The following TBC1D8 variants were observed in gnomAD, a reference collection of about 807,000 sequenced individuals.
TBC1D8 encodes TBC1 domain family member 8.
Under a neutral mutation model 118.8 loss-of-function variants are expected in TBC1D8, and 65 were observed. That is an observed-to-expected ratio of 0.55 (90% CI 0.45 to 0.67). TBC1D8 has a LOEUF of 0.67. Among genes scored for constraint, TBC1D8 ranks in the 30% least tolerant of loss-of-function variants. The pLI is 0.00. For synonymous variants in TBC1D8, 566 were observed against 595.8 expected (o/e 0.95, Z 0.73); for missense variants, 1,376 against 1,471.2 (o/e 0.94, Z 1.06).
Position 101,089,465 on chromosome 2 carries a change from G to T in TBC1D8, c.283+744C>A, listed in dbSNP as rs568852854. Among the ~76,000 whole-genome samples the T allele has an allele frequency of 2.4e-4, 36 of 152,048 alleles. No individual in the cohort carries two copies. In the South Asian group the frequency reaches 7.5e-3, roughly 32 times the overall value. On this transcript the variant is annotated intron_variant, in intron 2 of 19. Transcript: ENST00000409318. Reference sequence around the variant, plus strand: ...TTTGGTTTTGTTTTTTAATAAAAGGGTCTTCTCAAGAAGTGGTGACTCCTG... The same window carrying T: ...TTTGGTTTTGTTTTTTAATAAAAGGTTCTTCTCAAGAAGTGGTGACTCCTG...
chr2:101,033,813 A>G (rs1341859660), intron 9 of TBC1D8, 55 bp from the exon 10 acceptor site: 5 of 1,560,476 alleles, frequency 3.2e-6, no homozygotes, highest in Non-Finnish European at 4.4e-6. Context: ...TGGTGTCATG[A>G]TGAAGAAGAT....
At chr2:101,052,996 G>A (rs909849930) in intron 4 of TBC1D8, among the ~76,000 whole-genome samples, 6 of 152,156 alleles carry the variant, frequency 3.9e-5, no homozygotes, top group South Asian at 2.1e-4. Flanking sequence ...TTTGCGAAGT[G>A]CCTGCCCTGC....
chr2:101,016,378 C>A (rs1178415306), intron 17 of TBC1D8, among the ~76,000 whole-genome samples: 1 of 151,910 alleles, frequency 6.6e-6, no homozygotes, highest in East Asian at 1.9e-4. Context: ...AATGAGATAC[C>A]ATCTCACACC....
chr2:101,124,671 G>A (rs1329467597), intron 1 of TBC1D8, among the ~76,000 whole-genome samples: 2 of 152,164 alleles, frequency 1.3e-5, no homozygotes, highest in Admixed American at 6.5e-5. Context: ...CTGAACTCAG[G>A]GACCAGATCA....
chr2:101,112,727 C>G lies in TBC1D8; in HGVS notation c.128-22363G>C, dbSNP rs186798549. Among the ~76,000 whole-genome samples, 36 of 152,292 alleles carry G rather than the reference C, an allele frequency of 2.4e-4. No individual in the cohort carries two copies. The East Asian group carries it at 5.8e-3, about 25-fold the overall frequency. On this transcript the variant is annotated intron_variant, in intron 1 of 19. Coordinates refer to ENST00000409318, the MANE Select transcript of TBC1D8 (RefSeq NM_001330348.2). ...ATGGTTCCAACTTTGTGTAACCCGC[C>G]CTTACCTTTCTTTTGGGCTCTTTCC...
intron 1 of TBC1D8, among the ~76,000 whole-genome samples, chr2:101,138,440 CT>C (rs1453100546): frequency 6.6e-6 from 1 of 152,170 alleles, no homozygotes; most frequent in East Asian, 1.9e-4. Flanking sequence ...CACTAACTAC[CT>C]GGAATTAGTG....
rs926620487 is a variant in TBC1D8, at chr2:101,097,048, G to T, written c.128-6684C>A. The stretch of plus-strand genomic sequence containing the variant: ...TAAATCATATTCAAATTGCAGAAAT[G>T]AAAGATGAAGAGAATGTTCTAAAAG... On this transcript the variant is annotated intron_variant, in intron 1 of 19. Transcript: ENST00000409318. Among the ~76,000 whole-genome samples the T allele has an allele frequency of 9.9e-5, 15 of 152,088 alleles. No individual in the cohort carries two copies. The East Asian group carries it at 2.9e-3, about 29-fold the overall frequency.
intron 2 of TBC1D8, among the ~76,000 whole-genome samples, chr2:101,065,488 G>A (rs1682966114): frequency 6.6e-6 from 1 of 152,138 alleles, no homozygotes. Flanking sequence ...GAAAGGGTTG[G>A]AACAAAAAGC....
At chr2:101,041,055 G>A (rs1681357627) in intron 5 of TBC1D8, among the ~76,000 whole-genome samples, 1 of 152,236 alleles carries the variant, frequency 6.6e-6, no homozygotes, top group African/African-American at 2.4e-5. Flanking sequence ...GTGGTGAGGA[G>A]GATGTGGGGA....
At chr2:101,022,629 G>A in intron 15 of TBC1D8, 108 bp from the exon 16 acceptor site, 1 of 1,430,888 alleles carries the variant, frequency 7.0e-7, no homozygotes, top group Non-Finnish European at 9.1e-7. Context: ...CACTCTAACT[G>A]GATACGTAAA....
chr2:101,080,786 A>ATT (rs111330338), intron 2 of TBC1D8, among the ~76,000 whole-genome samples: 34 of 147,068 alleles, frequency 2.3e-4, no homozygotes, highest in South Asian at 4.3e-4. Context: ...TGTACTCTCA[A>ATT]TTTTTTTTTT....
In TBC1D8 at chr2:101,111,194, C is replaced by T. The variant is rs143022922; in HGVS notation, c.128-20830G>A. On this transcript the variant is annotated intron_variant, in intron 1 of 19. Transcript: ENST00000409318. ...ATCCAACTTTTGAATATTGTTTTTA[C>T]AAAGCATTTCATAATTCAATATCAC... is the stretch of plus-strand genomic sequence containing the variant. 2.6e-3 allele frequency among the ~76,000 whole-genome samples: 403 copies of T among 152,270 alleles called. 3 individuals carry two copies. The highest frequency in any genetic ancestry group is 9.4e-3 in the African/African-American group (392 of 41,548).
chr2:101,055,735 C>T (rs1370497176), intron 3 of TBC1D8, among the ~76,000 whole-genome samples: 1 of 152,140 alleles, frequency 6.6e-6, no homozygotes, highest in Non-Finnish European at 1.5e-5. Flanking sequence ...GGGAGCTCAC[C>T]ACAAAATCCT....
chr2:101,059,597 G>T (rs1170163198), intron 2 of TBC1D8, 58 bp from the exon 3 acceptor site: 5 of 1,386,132 alleles, frequency 3.6e-6, no homozygotes, highest in Middle Eastern at 1.8e-4. Flanking sequence ...GTAATTCCTA[G>T]AACGTTAACT....
At chr2:101,144,596 GA>G (rs562533976) in intron 1 of TBC1D8, among the ~76,000 whole-genome samples, 1 of 152,194 alleles carries the variant, frequency 6.6e-6, no homozygotes, top group South Asian at 2.1e-4. Flanking sequence ...AAAATAGGGG[GA>G]AAAAATCCAT....
chr2:101,132,701 G>A (rs1216307566), intron 1 of TBC1D8, among the ~76,000 whole-genome samples: 2 of 151,966 alleles, frequency 1.3e-5, no homozygotes, highest in South Asian at 2.1e-4. Flanking sequence ...CAATCTTCCC[G>A]CCTTGGCCTC....
At chr2:101,052,519 C>G (rs545839493) in intron 4 of TBC1D8, among the ~76,000 whole-genome samples, 327 of 150,508 alleles carry the variant, frequency 2.2e-3, no homozygotes, top group African/African-American at 7.7e-3. Context: ...CTTTATCACC[C>G]AGGCTGGAGT....
chr2:101,028,123 C>T lies in TBC1D8; in HGVS notation c.2376G>A (p.Glu792=), dbSNP rs765625898. Residue 792 remains glutamate (E), a synonymous_variant, in exon 14 of 20, where the codon GAG becomes GAA. Coordinates refer to ENST00000409318, the MANE Select transcript of TBC1D8 (RefSeq NM_001330348.2). ...GCTTGTAACGTAGGTGCTCGATCTG[C>T]TCCACAGACTGGTCTCCAAATTTCT... ...SYEKFGDQSV[E]QIEHLRYKHR... The T allele has an allele frequency of 6.8e-6, 11 of 1,613,812 alleles. No homozygotes were observed. In the East Asian group the frequency reaches 1.6e-4, roughly 23 times the overall value.
rs1678166675 is a variant in TBC1D8, at chr2:101,122,403, A to AAAAAAAAAT, written c.127+28723_127+28724insATTTTTTTT. Among the ~76,000 whole-genome samples, 4 of 137,288 alleles carry AAAAAAAAAT rather than the reference A, an allele frequency of 2.9e-5. No homozygotes were observed. In the South Asian group the frequency reaches 6.5e-4, roughly 22 times the overall value. The allele number at this position is 137,288 out of a possible 152,430, so 90.1% of individuals were successfully genotyped here. A position where few individuals can be genotyped will look rare whatever the true frequency, so the allele number is the denominator to read the frequency against. ...CATTTCAAAAAAAAAAAAAAAAAAA[A>AAAAAAAAAT]AAAAAAAAGCATGGATAATGCCAGG... On this transcript the variant is annotated intron_variant, in intron 1 of 19. Coordinates refer to ENST00000409318, the MANE Select transcript of TBC1D8 (RefSeq NM_001330348.2).
Sources: gnomAD v4.1 joint callset for allele counts (sites outside exome capture counted in the v4.1 genomes callset) on GRCh38, gnomAD v4.1.1 for gene constraint, MANE v1.5 for transcripts, NCBI Gene and HGNC (gene_info 2026-07-23, HGNC 2026-07-21) for gene names.